TBC1D12: variants seen among roughly 807,000 people sequenced by gnomAD.
The protein encoded by TBC1D12 is TBC1 domain family member 12.
In TBC1D12, 56 loss-of-function variants were observed where a neutral mutation model predicts 86.7. That is an observed-to-expected ratio of 0.65 (90% CI 0.52 to 0.81). The LOEUF is 0.81. Ranked by LOEUF, TBC1D12 falls within the 30% of genes least tolerant of loss-of-function variation. The pLI, the probability that TBC1D12 is intolerant of heterozygous loss-of-function variation, is 0.00. For missense variants in TBC1D12, 1,023 were observed against 1,038.8 expected, an observed-to-expected ratio of 0.98 and a Z score of 0.21; for synonymous variants, 421 against 411.7, an observed-to-expected ratio of 1.02 and a Z score of -0.27.
chr10:94,480,823 G>T (rs2056067047), intron 3 of TBC1D12, among the ~76,000 whole-genome samples: 1 of 151,128 alleles, frequency 6.6e-6, no homozygotes, highest in Admixed American at 6.6e-5. Flanking sequence ...GTTGTAGTGA[G>T]CCATGATCAC....
intron 2 of TBC1D12, among the ~76,000 whole-genome samples, chr10:94,460,564 G>T (rs1405492187): frequency 6.6e-6 from 1 of 151,304 alleles, no homozygotes; most frequent in Admixed American, 6.6e-5. Context: ...GATATGGCTA[G>T]AAGTAGTTTT....
chr10:94,443,917 C>A (rs1043318381), intron 2 of TBC1D12, among the ~76,000 whole-genome samples: 2 of 152,122 alleles, frequency 1.3e-5, no homozygotes, highest in South Asian at 4.1e-4. Context: ...CGCCTGTAAT[C>A]CCAGAACTTT....
intron 4 of TBC1D12, among the ~76,000 whole-genome samples, chr10:94,495,720 A>G (rs1201966592): frequency 1.3e-5 from 2 of 151,138 alleles, no homozygotes; most frequent in African/African-American, 4.9e-5. Flanking sequence ...CTTCTCTTTC[A>G]TCATTTTTTT....
In TBC1D12 at chr10:94,533,775, T is replaced by A; in HGVS notation, c.*679T>A. On this transcript the variant is annotated 3_prime_UTR_variant, in exon 13 of 13. Transcript: ENST00000225235. ...CCTATCACTCAGAGAATTTTAGCCA[T>A]TCTGGTTCTAGTCTAACAAATTATT... The A allele has an allele frequency of 6.6e-6, 1 of 152,320 alleles. No homozygotes were observed. Among genetic ancestry groups the A allele is most frequent in the South Asian group, 2.1e-4 (1 of 4,828 alleles). 9.4% of individuals were successfully genotyped at this position (152,320 alleles called of 1,614,324 possible). A position where few individuals can be genotyped will look rare whatever the true frequency, so the allele number is the denominator to read the frequency against.
Position 94,531,373 on chromosome 10 carries a change from T to G in TBC1D12, c.2172T>G (p.Thr724=). The G allele has an allele frequency of 6.2e-7, 1 of 1,614,126 alleles. No homozygotes were observed. The highest frequency in any genetic ancestry group is 8.5e-7 in the Non-Finnish European group (1 of 1,180,014). ...MDFIHIAQFL[T]KLPEDITSEK... The stretch of plus-strand genomic sequence containing the variant: ...TTATTCATATAGCACAGTTTCTAAC[T>G]AAATTGCCAGAAGATATCACATCGG... Residue 724 remains threonine (T), a synonymous_variant, in exon 12 of 13, where the codon ACT becomes ACG. Coordinates refer to ENST00000225235, the MANE Select transcript of TBC1D12 (RefSeq NM_015188.2).
chr10:94,488,386 C>CTTTTTTTTT lies in TBC1D12; in HGVS notation c.1212-4965_1212-4957dup, dbSNP rs770258959. Among the ~76,000 whole-genome samples, 85 of 74,810 alleles carry CTTTTTTTTT rather than the reference C, an allele frequency of 1.1e-3. 3 individuals are homozygous for CTTTTTTTTT. The highest frequency in any genetic ancestry group is 4.4e-3 in the African/African-American group (80 of 18,328). The allele number at this position is 74,810 out of a possible 152,430, so 49.1% of individuals were successfully genotyped here. On this transcript the variant is annotated intron_variant, in intron 3 of 12. Coordinates refer to ENST00000225235, the MANE Select transcript of TBC1D12 (RefSeq NM_015188.2). ...GTTTGTTATTCAGGGCCCAAGGGGT[C>CTTTTTTTTT]TTTTTTTTTTTTTTTTTTTTTTGAG...
At chr10:94,507,657 A>C (rs56259239) in intron 7 of TBC1D12, among the ~76,000 whole-genome samples, 9,910 of 151,714 alleles carry the variant, frequency 0.065, 426 homozygotes, top group Non-Finnish European at 0.094. Context: ...TGAGAATTAA[A>C]ATTATAAGTA....
intron 4 of TBC1D12, among the ~76,000 whole-genome samples, chr10:94,494,663 C>T (rs2056291392): frequency 6.6e-6 from 1 of 152,030 alleles, no homozygotes; most frequent in Non-Finnish European, 1.5e-5. Flanking sequence ...CTCACCTCAG[C>T]CTCCCAAGTA....
At chr10:94,462,894 G>C (rs1177218730) in intron 2 of TBC1D12, among the ~76,000 whole-genome samples, 2 of 151,940 alleles carry the variant, frequency 1.3e-5, no homozygotes, top group African/African-American at 4.8e-5. Flanking sequence ...TGTTTTTTGT[G>C]TGTTCTGTTC....
At chr10:94,518,894 G>A (rs528893901) in intron 9 of TBC1D12, among the ~76,000 whole-genome samples, 6 of 152,180 alleles carry the variant, frequency 3.9e-5, no homozygotes, top group Admixed American at 6.5e-5. Context: ...GGCCAACATG[G>A]TAAAACCCCG....
At position 94,535,005 on chromosome 10, in the gene TBC1D12, A is replaced by T. The variant is rs1023794264; in HGVS notation, c.*1909A>T. ...CCCAGTCAGGTGCTGTCCAGGGAAC[A>T]TGTTTCCCTTGGGAGGTCTGAACAG... On this transcript the variant is annotated 3_prime_UTR_variant, in exon 13 of 13. Transcript: ENST00000225235. 2.6e-5 allele frequency: 4 copies of T among 152,194 alleles called. No individual in the cohort carries two copies. Among genetic ancestry groups the T allele is most frequent in the Non-Finnish European group, 5.9e-5 (4 of 68,040 alleles). 9.4% of individuals were successfully genotyped at this position (152,194 alleles called of 1,614,324 possible). A position where few individuals can be genotyped will look rare whatever the true frequency, so the allele number is the denominator to read the frequency against.
intron 11 of TBC1D12, among the ~76,000 whole-genome samples, chr10:94,526,160 G>T (rs1010707040): frequency 6.6e-6 from 1 of 152,080 alleles, no homozygotes; most frequent in Non-Finnish European, 1.5e-5. Context: ...TGGCCAGTGC[G>T]ATGGCTCATG....
intron 12 of TBC1D12, among the ~76,000 whole-genome samples, chr10:94,531,752 A>ATTTTC (rs1842428576): frequency 4.9e-5 from 6 of 121,416 alleles, no homozygotes; most frequent in African/African-American, 2.0e-4. Flanking sequence ...ATTTTATGTT[A>ATTTTC]TTTTATTTTA....
At chr10:94,508,778 C>G (rs1034305501) in intron 7 of TBC1D12, 1 of 152,044 alleles carries the variant, frequency 6.6e-6, no homozygotes, top group African/African-American at 2.4e-5. Context: ...GTGTCATTGC[C>G]TGTTAATTCC....
In TBC1D12 at chr10:94,402,816, A is replaced by G; in HGVS notation, c.203A>G (p.Gln68Arg). The G allele has an allele frequency of 6.5e-7, 1 of 1,542,786 alleles. No individual in the cohort carries two copies. Among genetic ancestry groups the G allele is most frequent in the Non-Finnish European group, 8.7e-7 (1 of 1,143,756 alleles). The change falls in exon 1 of 13, where the codon CAG (glutamine) becomes CGG (arginine). Residue 68 changes from glutamine to arginine, a missense_variant. This residue lies in a region of TBC1D12 where 628 missense variants were observed against 531.1 expected (regional missense o/e 1.18). Coordinates refer to ENST00000225235, the MANE Select transcript of TBC1D12 (RefSeq NM_015188.2). ...GAGGAGGAGGAGACGCCGCCTCGGC[A>G]GCTCCTTCAGCGTTACCTCGCGGCG... Reference protein sequence around the residue: ...ADEEEETPPRQLLQRYLAAAG... With the variant: ...ADEEEETPPRRLLQRYLAAAG...
At chr10:94,437,404 C>A (rs113742603) in intron 1 of TBC1D12, among the ~76,000 whole-genome samples, 8 of 151,824 alleles carry the variant, frequency 5.3e-5, no homozygotes, top group Non-Finnish European at 1.2e-4. Context: ...TGGCTCACTG[C>A]GAGCTCCGCC....
intron 3 of TBC1D12, 123 bp from the exon 4 acceptor site, chr10:94,493,242 C>T: frequency 1.4e-6 from 1 of 730,082 alleles, no homozygotes. Context: ...CTTTCACTTC[C>T]TTAATGTATG....
At chr10:94,465,794 G>GCATA (rs370235121) in intron 2 of TBC1D12, among the ~76,000 whole-genome samples, 63,548 of 146,408 alleles carry the variant, frequency 0.43, 13,966 homozygotes, top group East Asian at 0.73. Context: ...ATACATATAC[G>GCATA]CATACATACA....
intron 3 of TBC1D12, among the ~76,000 whole-genome samples, chr10:94,479,526 T>C (rs1462293702): frequency 6.6e-6 from 1 of 152,162 alleles, no homozygotes; most frequent in Non-Finnish European, 1.5e-5. Context: ...GCAAGCAGAA[T>C]AGCTTGTAAA....
Sources: allele counts gnomAD v4.1 joint callset (sites outside exome capture counted in the v4.1 genomes callset), GRCh38; gene constraint gnomAD v4.1.1; regional missense constraint gnomAD v4.1.1; transcripts MANE v1.5; gene names NCBI Gene and HGNC (gene_info 2026-07-23, HGNC 2026-07-21).